Variants in HS3ST2 observed in about 807,000 individuals in gnomAD.
The protein encoded by HS3ST2 is heparan sulfate-glucosamine 3-sulfotransferase 2, also known as heparan sulfate glucosamine 3-O-sulfotransferase 2.
In HS3ST2, 17 loss-of-function variants were observed where a neutral mutation model predicts 26.3. The observed-to-expected ratio is 0.65, with a 90% CI of 0.44 to 0.97. HS3ST2 has a LOEUF of 0.97. Among genes scored for constraint, HS3ST2 ranks in the 50% least tolerant of loss-of-function variants. HS3ST2 has a pLI of 0.00. For missense variants in HS3ST2, 402 were observed against 501.2 expected, an observed-to-expected ratio of 0.80 and a Z score of 1.89; for synonymous variants, 237 against 219.2, an observed-to-expected ratio of 1.08 and a Z score of -0.72.
intron 1 of HS3ST2, among the ~76,000 whole-genome samples, chr16:22,859,025 G>A (rs1044269742): frequency 6.6e-6 from 1 of 152,114 alleles, no homozygotes; most frequent in Non-Finnish European, 1.5e-5. Flanking sequence ...AATTAGATGG[G>A]CGTGGTGGTG....
At chr16:22,912,950 C>T (rs184455534) in intron 1 of HS3ST2, among the ~76,000 whole-genome samples, 9 of 152,126 alleles carry the variant, frequency 5.9e-5, no homozygotes, top group Admixed American at 5.9e-4. Flanking sequence ...AGTCTAGACC[C>T]GCCTCCTACC....
chr16:22,825,545 T>G (rs2141176153), intron 1 of HS3ST2, among the ~76,000 whole-genome samples: 1 of 152,162 alleles, frequency 6.6e-6, no homozygotes, highest in South Asian at 2.1e-4. Context: ...AGAAAATTCA[T>G]TTAGGGGAAT....
intron 1 of HS3ST2, among the ~76,000 whole-genome samples, chr16:22,823,415 G>T (rs1303130773): frequency 6.6e-6 from 1 of 152,168 alleles, no homozygotes; most frequent in Non-Finnish European, 1.5e-5. Flanking sequence ...GTAAGTCTGT[G>T]TAGTACCTAA....
At chr16:22,837,526 T>C (rs978466534) in intron 1 of HS3ST2, among the ~76,000 whole-genome samples, 1 of 146,610 alleles carries the variant, frequency 6.8e-6, no homozygotes, top group African/African-American at 2.5e-5. Flanking sequence ...TATATACACA[T>C]ATATATACAC....
At chr16:22,824,611 G>A (rs990550343) in intron 1 of HS3ST2, among the ~76,000 whole-genome samples, 2 of 152,144 alleles carry the variant, frequency 1.3e-5, no homozygotes, top group African/African-American at 2.4e-5. Flanking sequence ...GGGCTGGGTA[G>A]GATGTCAATT....
At position 22,833,545 on chromosome 16, in the gene HS3ST2, C is replaced by T. The variant is rs1196540717; in HGVS notation, c.485+18450C>T. On this transcript the variant is annotated intron_variant, in intron 1 of 1. Coordinates refer to ENST00000261374, the MANE Select transcript of HS3ST2 (RefSeq NM_006043.2). ...ATGGTGTGGTAGAGGGGAGGCACAC[C>T]GGACCTTTTTGGGGAGTCTACTACT... 3.8e-5 allele frequency: 13 copies of T among 343,194 alleles called. 1 individual carries two copies. Among genetic ancestry groups the T allele is most frequent in the East Asian group, 2.3e-4 (3 of 13,092 alleles). 21.3% of individuals were successfully genotyped at this position (343,194 alleles called of 1,614,324 possible).
At chr16:22,835,153 TGAAC>T (rs1901236066) in intron 1 of HS3ST2, among the ~76,000 whole-genome samples, 1 of 152,218 alleles carries the variant, frequency 6.6e-6, no homozygotes, top group East Asian at 1.9e-4. Flanking sequence ...TCAACATATT[TGAAC>T]TTTTCAAATA....
At chr16:22,848,437 GAACA>G (rs1409722627) in intron 1 of HS3ST2, among the ~76,000 whole-genome samples, 2 of 152,058 alleles carry the variant, frequency 1.3e-5, no homozygotes, top group African/African-American at 2.4e-5. Context: ...AAGATTTTTT[GAACA>G]GACATTAACT....
chr16:22,829,349 G>A (rs1350179282), intron 1 of HS3ST2, among the ~76,000 whole-genome samples: 1 of 152,136 alleles, frequency 6.6e-6, no homozygotes, highest in Non-Finnish European at 1.5e-5. Flanking sequence ...ATTTATACAA[G>A]TCTTATTTAA....
chr16:22,826,764 G>GA (rs1202439689), intron 1 of HS3ST2, among the ~76,000 whole-genome samples: 1 of 152,146 alleles, frequency 6.6e-6, no homozygotes, highest in Non-Finnish European at 1.5e-5. Flanking sequence ...ACCTGGTTCT[G>GA]AAAGAATATG....
Position 22,915,866 on chromosome 16 carries a change from T to C in HS3ST2, c.*304T>C. ...GAATTGCTTTAAGAAGAGTGAATGT[T>C]CCAATGATGATAGATATTATAAGCG... On this transcript the variant is annotated 3_prime_UTR_variant, in exon 2 of 2. Transcript: ENST00000261374. The C allele has an allele frequency of 2.6e-6, 1 of 378,990 alleles. No individual in the cohort carries two copies. Among genetic ancestry groups the C allele is most frequent in the Non-Finnish European group, 4.7e-6 (1 of 211,096 alleles). 23.5% of individuals were successfully genotyped at this position (378,990 alleles called of 1,614,324 possible). A position where few individuals can be genotyped will look rare whatever the true frequency, so the allele number is the denominator to read the frequency against.
At chr16:22,858,529 T>G (rs947516832) in intron 1 of HS3ST2, among the ~76,000 whole-genome samples, 1 of 151,590 alleles carries the variant, frequency 6.6e-6, no homozygotes, top group African/African-American at 2.4e-5. Flanking sequence ...AATATAATTC[T>G]AAGAGAGCTT....
chr16:22,837,770 AACTAT>A (rs1901289185), intron 1 of HS3ST2, among the ~76,000 whole-genome samples: 1 of 151,928 alleles, frequency 6.6e-6, no homozygotes, highest in Non-Finnish European at 1.5e-5. Flanking sequence ...GAACAATTAT[AACTAT>A]ACTATAATAA....
chr16:22,883,970 G>A (rs925887337), intron 1 of HS3ST2, among the ~76,000 whole-genome samples: 1 of 151,978 alleles, frequency 6.6e-6, no homozygotes, highest in African/African-American at 2.4e-5. Context: ...GTGGCTTCCA[G>A]ACCCACCTCT....
At chr16:22,882,306 G>T (rs1047107238) in intron 1 of HS3ST2, among the ~76,000 whole-genome samples, 2 of 152,176 alleles carry the variant, frequency 1.3e-5, no homozygotes, top group Non-Finnish European at 1.5e-5. Flanking sequence ...AGGCTACAGT[G>T]AACTGTGATT....
intron 1 of HS3ST2, among the ~76,000 whole-genome samples, chr16:22,894,220 A>G (rs1902174224): frequency 6.6e-6 from 1 of 152,138 alleles, no homozygotes; most frequent in Non-Finnish European, 1.5e-5. Flanking sequence ...AGGTGGGAGT[A>G]GCTACACTGC....
intron 1 of HS3ST2, among the ~76,000 whole-genome samples, chr16:22,912,601 C>G (rs1231901126): frequency 6.6e-6 from 1 of 152,170 alleles, no homozygotes; most frequent in Non-Finnish European, 1.5e-5. Flanking sequence ...AGGCACTGCT[C>G]CCTGCAGAGA....
Position 22,915,271 on chromosome 16 carries a change from C to T in HS3ST2, c.813C>T (p.Phe271=), listed in dbSNP as rs144169281. The T allele has an allele frequency of 2.5e-6, 4 of 1,614,136 alleles. No individual in the cohort carries two copies. The highest frequency in any genetic ancestry group is 2.2e-5 in the East Asian group (1 of 44,856). Residue 271 remains phenylalanine (F), a synonymous_variant, in exon 2 of 2, where the codon TTC becomes TTT. Coordinates refer to ENST00000261374, the MANE Select transcript of HS3ST2 (RefSeq NM_006043.2). ...ACTTCCCGCTAGCTCAGATTCACTT[C>T]GTCAGTGGCGAGCGACTCATCACTG... ...LQYFPLAQIH[F]VSGERLITDP... is the part of the protein sequence containing the mutation.
Position 22,850,861 on chromosome 16 carries a change from C to T in HS3ST2, c.485+35766C>T, listed in dbSNP as rs528720692. Among the ~76,000 whole-genome samples the T allele has an allele frequency of 2.7e-4, 41 of 152,230 alleles. No individual in the cohort carries two copies. In the South Asian group the frequency reaches 6.8e-3, roughly 25 times the overall value. ...AAAAAAACAGAATCTCTCATACAGC[C>T]GCAGTTCTGCAGTTGAATATCAGCT... On this transcript the variant is annotated intron_variant, in intron 1 of 1. Transcript: ENST00000261374.
Sources: gnomAD v4.1 joint callset for allele counts (sites outside exome capture counted in the v4.1 genomes callset) on GRCh38, gnomAD v4.1.1 for gene constraint, MANE v1.5 for transcripts, NCBI Gene and HGNC (gene_info 2026-07-23, HGNC 2026-07-21) for gene names.